Variants in MOXD1 observed in about 807,000 individuals in gnomAD.
The protein encoded by MOXD1 is DBH-like monooxygenase protein 1.
In MOXD1, 62 loss-of-function variants were observed where a neutral mutation model predicts 66.6. That is an observed-to-expected ratio of 0.93 (90% CI 0.76 to 1.15). The LOEUF (loss-of-function observed/expected upper bound fraction) is 1.15. MOXD1 is among the 50% of genes most tolerant of loss of function. The pLI is 0.00. For missense variants in MOXD1, 847 were observed against 754.6 expected (o/e 1.12, Z -1.44); for synonymous variants, 303 against 281.9 (o/e 1.07, Z -0.75).
intron 1 of MOXD1, among the ~76,000 whole-genome samples, chr6:132,400,488 T>C (rs1428894149): frequency 2.0e-5 from 3 of 152,080 alleles, no homozygotes; most frequent in South Asian, 2.1e-4. Flanking sequence ...TCAAAGTAAA[T>C]CAGCAGCGGT....
At chr6:132,361,533 C>T (rs1168672267) in intron 4 of MOXD1, among the ~76,000 whole-genome samples, 1 of 152,020 alleles carries the variant, frequency 6.6e-6, no homozygotes. Context: ...TTACTAGGTG[C>T]CATAAAATGT....
At chr6:132,307,349 G>A (rs1448747223) in intron 10 of MOXD1, among the ~76,000 whole-genome samples, 1 of 152,114 alleles carries the variant, frequency 6.6e-6, no homozygotes, top group Non-Finnish European at 1.5e-5. Flanking sequence ...CTCAATACAG[G>A]AGCACCCAGA....
chr6:132,300,182 T>C (rs1037107784), intron 10 of MOXD1, among the ~76,000 whole-genome samples: 1 of 152,090 alleles, frequency 6.6e-6, no homozygotes, highest in Non-Finnish European at 1.5e-5. Context: ...TGAAGCCCCA[T>C]AAAGTAAGAG....
At chr6:132,347,207 C>T (rs1025420930) in intron 4 of MOXD1, among the ~76,000 whole-genome samples, 1 of 152,194 alleles carries the variant, frequency 6.6e-6, no homozygotes, top group Non-Finnish European at 1.5e-5. Flanking sequence ...TAGTGGCAGG[C>T]TTAGATTTGC....
At chr6:132,308,091 A>G (rs12195634) in intron 10 of MOXD1, among the ~76,000 whole-genome samples, 1 of 71,934 alleles carries the variant, frequency 1.4e-5, no homozygotes, top group Non-Finnish European at 2.5e-5. Context: ...TGGTTTTTTG[A>G]AAAAAAAAAA....
intron 9 of MOXD1, among the ~76,000 whole-genome samples, chr6:132,316,600 G>A (rs1335801225): frequency 1.3e-5 from 2 of 151,964 alleles, no homozygotes; most frequent in South Asian, 2.1e-4. Context: ...GTACCAAAAC[G>A]AAATAAAAAC....
chr6:132,314,004 A>G (rs1582564599), intron 10 of MOXD1, among the ~76,000 whole-genome samples: 1 of 152,214 alleles, frequency 6.6e-6, no homozygotes, highest in Non-Finnish European at 1.5e-5. Context: ...CATTTTGAAT[A>G]GTAGTGATCA....
chr6:132,349,585 G>A (rs903808424), intron 4 of MOXD1, among the ~76,000 whole-genome samples: 2 of 148,392 alleles, frequency 1.3e-5, no homozygotes, highest in South Asian at 2.1e-4. Flanking sequence ...ATAAACATTC[G>A]TGGGCAAGTA....
intron 1 of MOXD1, chr6:132,392,429 C>G: frequency 7.5e-7 from 1 of 1,339,580 alleles, no homozygotes; most frequent in Non-Finnish European, 1.0e-6. Flanking sequence ...CTCTAATTCA[C>G]ACAAACTCAG....
At chr6:132,384,872 G>GTGTATC (rs1776593900) in intron 1 of MOXD1, among the ~76,000 whole-genome samples, 2 of 152,162 alleles carry the variant, frequency 1.3e-5, no homozygotes, top group Non-Finnish European at 1.5e-5. Flanking sequence ...GTGGCATAAT[G>GTGTATC]TGTATCTGTA....
chr6:132,353,128 C>T lies in MOXD1; in HGVS notation c.663+19480G>A, dbSNP rs146270091. Among the ~76,000 whole-genome samples the T allele has an allele frequency of 2.5e-3, 380 of 152,208 alleles. 2 individuals carry two copies. Among genetic ancestry groups the T allele is most frequent in the African/African-American group, 8.5e-3 (355 of 41,530 alleles). On this transcript the variant is annotated intron_variant, in intron 4 of 11. Transcript: ENST00000367963. ...ATATCTTTTAAGTGGAGCACTTAGG[C>T]GATTTACATTCAATGTAGTATTGAG...
At chr6:132,334,384 A>AG (rs1400402286) in intron 4 of MOXD1, among the ~76,000 whole-genome samples, 3 of 152,046 alleles carry the variant, frequency 2.0e-5, no homozygotes, top group African/African-American at 7.3e-5. Flanking sequence ...ACACTTTTCC[A>AG]GTTGCTCAGC....
At chr6:132,308,151 A>C (rs1270536954) in intron 10 of MOXD1, among the ~76,000 whole-genome samples, 1 of 152,108 alleles carries the variant, frequency 6.6e-6, no homozygotes, top group Non-Finnish European at 1.5e-5. Context: ...GAAAAGAGAG[A>C]AGAATCAAAT....
Position 132,311,367 on chromosome 6 carries a change from A to G in MOXD1, c.1508+4268T>C, listed in dbSNP as rs192156298. Among the ~76,000 whole-genome samples the G allele has an allele frequency of 2.6e-3, 403 of 152,116 alleles. 2 individuals carry two copies. Among genetic ancestry groups the G allele is most frequent in the Non-Finnish European group, 2.3e-3 (154 of 67,960 alleles). Reference sequence around the variant, plus strand: ...TCATGTTAAATATTCTGGGAATTATAGTTTCATAATTAAGTGTAAACATTA... The same window carrying G: ...TCATGTTAAATATTCTGGGAATTATGGTTTCATAATTAAGTGTAAACATTA... On this transcript the variant is annotated intron_variant, in intron 10 of 11. Transcript: ENST00000367963.
At position 132,401,457 on chromosome 6, in the gene MOXD1, C is replaced by A; in HGVS notation, c.-31G>T. On this transcript the variant is annotated 5_prime_UTR_variant, in exon 1 of 12. Transcript: ENST00000367963. ...GGCGCCTCCTGCCCGCCGGTACCGG[C>A]CTCCAGCCGCTGGGGAGTGAGGAGC... is the stretch of plus-strand genomic sequence containing the variant. 6.8e-7 allele frequency: 1 copy of A among 1,462,130 alleles called. No homozygotes were observed. Among genetic ancestry groups the A allele is most frequent in the Non-Finnish European group, 9.0e-7 (1 of 1,113,440 alleles). 90.6% of individuals were successfully genotyped at this position (1,462,130 alleles called of 1,614,324 possible). A position where few individuals can be genotyped will look rare whatever the true frequency, so the allele number is the denominator to read the frequency against.
chr6:132,332,386 G>GA (rs1328451287), intron 4 of MOXD1, among the ~76,000 whole-genome samples: 1 of 151,448 alleles, frequency 6.6e-6, no homozygotes, highest in Non-Finnish European at 1.5e-5. Flanking sequence ...CAAAGACAGG[G>GA]AAAAAAAGAA....
Position 132,296,948 on chromosome 6 carries a change from A to T in MOXD1, c.*205T>A. 1 of 473,414 alleles carries T rather than the reference A, an allele frequency of 2.1e-6. No individual in the cohort carries two copies. Among genetic ancestry groups the T allele is most frequent in the Non-Finnish European group, 3.7e-6 (1 of 268,068 alleles). 29.3% of individuals were successfully genotyped at this position (473,414 alleles called of 1,614,324 possible). A position where few individuals can be genotyped will look rare whatever the true frequency, so the allele number is the denominator to read the frequency against. ...GCCAGTTTTATTTTATTGACCATGT[A>T]TATATAACATCAGATATTTCTAAGA... On this transcript the variant is annotated 3_prime_UTR_variant, in exon 12 of 12. Transcript: ENST00000367963.
At chr6:132,399,116 A>G (rs1776963832) in intron 1 of MOXD1, among the ~76,000 whole-genome samples, 1 of 152,106 alleles carries the variant, frequency 6.6e-6, no homozygotes, top group Admixed American at 6.5e-5. Context: ...TGATACATTT[A>G]TTTCATTTAT....
intron 1 of MOXD1, among the ~76,000 whole-genome samples, chr6:132,385,289 A>C (rs1776602456): frequency 1.3e-5 from 2 of 152,098 alleles, no homozygotes; most frequent in South Asian, 4.2e-4. Flanking sequence ...GTAATGTACC[A>C]CCAGGGGAGG....
Sources: allele counts gnomAD v4.1 joint callset (sites outside exome capture counted in the v4.1 genomes callset), GRCh38; gene constraint gnomAD v4.1.1; transcripts MANE v1.5; gene names NCBI Gene and HGNC (gene_info 2026-07-23, HGNC 2026-07-21).